PCBD2: variants seen among roughly 807,000 people sequenced by gnomAD.
PCBD2 encodes pterin-4-alpha-carbinolamine dehydratase 2.
In PCBD2, 12 loss-of-function variants were observed where a neutral mutation model predicts 16.4. The ratio of observed to expected loss-of-function variants is 0.73; its 90% CI spans 0.47 to 1.19. PCBD2 has a LOEUF of 1.19. PCBD2 is among the 50% of genes most tolerant of loss of function. The pLI, the probability that PCBD2 is intolerant of heterozygous loss-of-function variation, is 0.00. For missense variants in PCBD2, 138 were observed against 156.8 expected (o/e 0.88, Z 0.64); for synonymous variants, 58 against 61.8 (o/e 0.94, Z 0.29).
chr5:134,914,688 T>C (rs79655611), intron 2 of PCBD2, among the ~76,000 whole-genome samples: 5 of 151,816 alleles, frequency 3.3e-5, no homozygotes, highest in Non-Finnish European at 5.9e-5. Context: ...TTTTTTTTTT[T>C]CAGATGGAGT....
At chr5:134,940,557 A>G (rs1751213974) in intron 2 of PCBD2, among the ~76,000 whole-genome samples, 1 of 152,154 alleles carries the variant, frequency 6.6e-6, no homozygotes, top group Non-Finnish European at 1.5e-5. Context: ...TTGAGGTAAG[A>G]TTAGGCAGAC....
intron 2 of PCBD2, among the ~76,000 whole-genome samples, chr5:134,957,255 T>A (rs1751424850): frequency 6.6e-6 from 1 of 152,196 alleles, no homozygotes; most frequent in Non-Finnish European, 1.5e-5. Flanking sequence ...TGAGACTCTG[T>A]CTCAAAAAGA....
At chr5:134,924,096 GTCGTGGTTGTAGCCCGT>G (rs2149532826) in intron 2 of PCBD2, 3 of 397,812 alleles carry the variant, frequency 7.5e-6, no homozygotes, top group Non-Finnish European at 8.9e-6. Flanking sequence ...CATATCATTG[GTCGTGGTTGTAGCCCGT>G]GCAAGAATAA....
rs1751485026 is a variant in PCBD2, at chr5:134,962,075, TG to T, written c.*1395del. ...TGCCCCCAGCCAGTATAACAGTTTGTGTGTGTGTGTGTGTGTGTGTGTGTGT... is the reference window on the plus strand; with the variant it reads ...TGCCCCCAGCCAGTATAACAGTTTGTTGTGTGTGTGTGTGTGTGTGTGTGT... On this transcript the variant is annotated 3_prime_UTR_variant, in exon 4 of 4. Coordinates refer to ENST00000254908, the MANE Select transcript of PCBD2 (RefSeq NM_032151.5). 1.8e-5 allele frequency among the ~76,000 whole-genome samples: 2 copies of T among 113,072 alleles called. No homozygotes were observed. The highest frequency in any genetic ancestry group is 5.7e-5 in the African/African-American group (2 of 35,326). 74.2% of individuals were successfully genotyped at this position (113,072 alleles called of 152,430 possible).
chr5:134,911,286 A>C (rs1308391611), intron 2 of PCBD2, among the ~76,000 whole-genome samples: 2 of 152,130 alleles, frequency 1.3e-5, no homozygotes, highest in African/African-American at 4.8e-5. Flanking sequence ...CCCAGTAGCC[A>C]GATCCTGAAC....
At chr5:134,954,686 A>G (rs2149540482) in intron 2 of PCBD2, among the ~76,000 whole-genome samples, 1 of 151,472 alleles carries the variant, frequency 6.6e-6, no homozygotes, top group Admixed American at 6.6e-5. Context: ...TTTTGTAGGT[A>G]TTGCCCCTCT....
At chr5:134,943,089 C>G (rs1315652553) in intron 2 of PCBD2, among the ~76,000 whole-genome samples, 3 of 152,098 alleles carry the variant, frequency 2.0e-5, no homozygotes, top group African/African-American at 7.2e-5. Context: ...CAGCATAAAT[C>G]TAGAAATGGA....
chr5:134,910,486 G>A lies in PCBD2; in HGVS notation c.216+20G>A, dbSNP rs771091567. 2 of 1,613,104 alleles carry A rather than the reference G, an allele frequency of 1.2e-6. No individual in the cohort carries two copies. The highest frequency in any genetic ancestry group is 1.7e-6 in the Non-Finnish European group (2 of 1,179,318). On this transcript the variant is annotated intron_variant, in intron 2 of 3. Transcript: ENST00000254908. ...AATCAGGTAATTGTTATAAATTCTT[G>A]CTAGGGCTGTGGTCTATTTTAGTCA...
At chr5:134,920,821 A>G (rs2149531944) in intron 2 of PCBD2, among the ~76,000 whole-genome samples, 1 of 152,322 alleles carries the variant, frequency 6.6e-6, no homozygotes, top group East Asian at 1.9e-4. Context: ...AAGCCTGGCT[A>G]ATTTTTTGTA....
intron 2 of PCBD2, among the ~76,000 whole-genome samples, chr5:134,934,255 A>G (rs144166090): frequency 8.5e-4 from 130 of 152,186 alleles, no homozygotes; most frequent in Non-Finnish European, 1.6e-3. Context: ...AATGGTAATT[A>G]ATTACTTATA....
intron 2 of PCBD2, among the ~76,000 whole-genome samples, chr5:134,940,992 G>A (rs1462950458): frequency 6.6e-6 from 1 of 152,036 alleles, no homozygotes. Context: ...GCGCATGCCT[G>A]TAATCCCAGC....
chr5:134,947,688 C>T (rs1248708207), intron 2 of PCBD2, among the ~76,000 whole-genome samples: 2 of 152,062 alleles, frequency 1.3e-5, no homozygotes, highest in Non-Finnish European at 2.9e-5. Flanking sequence ...CGCTCGGCCC[C>T]CTGACCTCAA....
intron 2 of PCBD2, chr5:134,927,355 A>T: frequency 2.5e-6 from 1 of 398,484 alleles, no homozygotes; most frequent in Non-Finnish European, 4.4e-6. Context: ...AGTACTATTG[A>T]CCCAGCGATG....
At chr5:134,952,495 T>C (rs1407406383) in intron 2 of PCBD2, among the ~76,000 whole-genome samples, 1 of 152,204 alleles carries the variant, frequency 6.6e-6, no homozygotes, top group Admixed American at 6.5e-5. Context: ...TAATCTGTCA[T>C]GGGTTAAGAG....
chr5:134,920,221 C>CT (rs1421194894), intron 2 of PCBD2, among the ~76,000 whole-genome samples: 1 of 152,156 alleles, frequency 6.6e-6, no homozygotes, highest in East Asian at 1.9e-4. Flanking sequence ...GGCATTCTGA[C>CT]TCATTTACTG....
At chr5:134,917,900 A>G (rs1750852622) in intron 2 of PCBD2, among the ~76,000 whole-genome samples, 1 of 152,214 alleles carries the variant, frequency 6.6e-6, no homozygotes. Flanking sequence ...AAAATGTTTT[A>G]TTGAGGAATT....
In PCBD2 at chr5:134,940,497, G is replaced by C. The variant is rs530971669; in HGVS notation, c.217-18543G>C. Among the ~76,000 whole-genome samples, 213 of 152,152 alleles carry C rather than the reference G, an allele frequency of 1.4e-3. 1 individual carries two copies. Among genetic ancestry groups the C allele is most frequent in the Non-Finnish European group, 2.2e-3 (148 of 68,014 alleles). On this transcript the variant is annotated intron_variant, in intron 2 of 3. Transcript: ENST00000254908. Reference sequence around the variant, plus strand: ...ATTTCCTAAGGTTTCAATAAAGAATGTATCTCAGAACACCAGGGTAGGAAT... The same window carrying C: ...ATTTCCTAAGGTTTCAATAAAGAATCTATCTCAGAACACCAGGGTAGGAAT...
At chr5:134,945,880 G>A (rs2149538551) in intron 2 of PCBD2, among the ~76,000 whole-genome samples, 1 of 152,238 alleles carries the variant, frequency 6.6e-6, no homozygotes, top group African/African-American at 2.4e-5. Context: ...AGAGGCAAGA[G>A]AGGTTTAGGA....
Position 134,905,216 on chromosome 5 carries a change from C to A in PCBD2, c.77C>A (p.Ala26Glu). ...AALRGQSLGLAAMSSGTHRLT... is the reference protein window; with the variant it reads ...AALRGQSLGLEAMSSGTHRLT... ...CTGCGAGGCCAGAGCCTAGGGCTAGCGGCCATGGTGAGTGCACAGCGGCCG... is the reference window on the plus strand; with the variant it reads ...CTGCGAGGCCAGAGCCTAGGGCTAGAGGCCATGGTGAGTGCACAGCGGCCG... Residue 26 changes from alanine to glutamate, a missense_variant, in exon 1 of 4, where the codon GCG becomes GAG. Physicochemically the swap from Ala to Glu is moderately radical, Grantham distance 107. Coordinates refer to ENST00000254908, the MANE Select transcript of PCBD2 (RefSeq NM_032151.5). The A allele has an allele frequency of 1.6e-6, 2 of 1,223,052 alleles. No homozygotes were observed. The highest frequency in any genetic ancestry group is 2.0e-6 in the Non-Finnish European group (2 of 982,604). 75.8% of individuals were successfully genotyped at this position (1,223,052 alleles called of 1,614,324 possible).
Sources: gnomAD v4.1 joint callset for allele counts (sites outside exome capture counted in the v4.1 genomes callset) on GRCh38, gnomAD v4.1.1 for gene constraint, MANE v1.5 for transcripts, NCBI Gene and HGNC (gene_info 2026-07-23, HGNC 2026-07-21) for gene names.